KNG1: variants seen among roughly 807,000 people sequenced by gnomAD.
KNG1 encodes the protein kininogen-1.
In KNG1, 23 loss-of-function variants were observed where a neutral mutation model predicts 47.8. The observed-to-expected ratio is 0.48, with a 90% CI of 0.35 to 0.68. The LOEUF is 0.68. Ranked by LOEUF, KNG1 falls within the 30% of genes least tolerant of loss-of-function variation. The probability of loss-of-function intolerance (pLI) is 0.01; values close to 1 mark genes in which losing one functional copy is unlikely to be tolerated. For synonymous variants in KNG1, 277 were observed against 277.0 expected, an observed-to-expected ratio of 1.00 and a Z score of 0.00; for missense variants, 762 against 790.2, an observed-to-expected ratio of 0.96 and a Z score of 0.43.
chr3:186,717,709 T>C lies in KNG1; in HGVS notation c.167T>C (p.Leu56Ser). 6.2e-7 allele frequency: 1 copy of C among 1,613,078 alleles called. No homozygotes were observed. Among genetic ancestry groups the C allele is most frequent in the Non-Finnish European group, 8.5e-7 (1 of 1,179,832 alleles). Residue 56 changes from leucine to serine, a missense_variant, in exon 1 of 10, where the codon TTG becomes TCG. By Grantham distance (145) the Leu-to-Ser change is moderately radical. Coordinates refer to ENST00000644859, the MANE Select transcript of KNG1 (RefSeq NM_001102416.3). ...SQNQSNNQFV[L>S]YRITEATKTV... ...AACCAAAGTAACAACCAGTTTGTAT[T>C]GTACCGCATAACTGAAGCCACTAAG...
Position 186,743,210 on chromosome 3 carries a change from G to A in KNG1, c.*879G>A, listed in dbSNP as rs1434695481. 4 of 166,470 alleles carry A rather than the reference G, an allele frequency of 2.4e-5. No homozygotes were observed. Among genetic ancestry groups the A allele is most frequent in the Non-Finnish European group, 3.9e-5 (3 of 76,494 alleles). The allele number at this position is 166,470 out of a possible 1,614,324, so 10.3% of individuals were successfully genotyped here. Reference sequence around the variant, plus strand: ...CCGAGCTTAATGATAAGGATGAAAAGCAGAGGGAGCAATATAGAAGCAGGC... The same window carrying A: ...CCGAGCTTAATGATAAGGATGAAAAACAGAGGGAGCAATATAGAAGCAGGC... On this transcript the variant is annotated 3_prime_UTR_variant, in exon 10 of 10. Coordinates refer to ENST00000644859, the MANE Select transcript of KNG1 (RefSeq NM_001102416.3).
chr3:186,720,282 T>C (rs555742399), intron 2 of KNG1, 67 bp downstream of exon 2: 19 of 976,264 alleles, frequency 1.9e-5, no homozygotes, highest in African/African-American at 1.6e-4. Flanking sequence ...TTTTTACTGA[T>C]GCAGAAATGA....
chr3:186,717,799 G>T, intron 1 of KNG1, 62 bp downstream of exon 1: 1 of 1,135,000 alleles, frequency 8.8e-7, no homozygotes. Flanking sequence ...AGGAGTCCAG[G>T]CCTCACACAC....
intron 2 of KNG1, 164 bp downstream of exon 2, chr3:186,720,379 A>G: frequency 1.6e-6 from 1 of 637,658 alleles, no homozygotes; most frequent in African/African-American, 1.8e-5. Context: ...GTGTTCTTGT[A>G]TAGACAGAAA....
chr3:186,741,757 G>A lies in KNG1; in HGVS notation c.1361G>A (p.Gly454Glu). 6.2e-7 allele frequency: 1 copy of A among 1,614,186 alleles called. No homozygotes were observed. Among genetic ancestry groups the A allele is most frequent in the Non-Finnish European group, 8.5e-7 (1 of 1,180,040 alleles). ...AAACATGAACGTGACCAAGGGCATG[G>A]GCACCAAAGAGGACATGGCCTTGGC... ...GHKHERDQGH[G>E]HQRGHGLGHG... Residue 454 changes from glycine to glutamate, a missense_variant, in exon 10 of 10, where the codon GGG becomes GAG. Transcript: ENST00000644859.
In KNG1 at chr3:186,743,841, C is replaced by T. The variant is rs1473955142; in HGVS notation, c.*1510C>T. The T allele has an allele frequency of 8.3e-7, 1 of 1,201,394 alleles. No individual in the cohort carries two copies. Among genetic ancestry groups the T allele is most frequent in the East Asian group, 2.3e-5 (1 of 43,030 alleles). The allele number at this position is 1,201,394 out of a possible 1,614,324, so 74.4% of individuals were successfully genotyped here. ...TAGCCCCAACCACCTCTGCCAGCAACCTTGAGAGGAAGGACAAGAAGAAAG... is the reference window on the plus strand; with the variant it reads ...TAGCCCCAACCACCTCTGCCAGCAATCTTGAGAGGAAGGACAAGAAGAAAG... On this transcript the variant is annotated 3_prime_UTR_variant, in exon 10 of 10. Transcript: ENST00000644859.
intron 5 of KNG1, among the ~76,000 whole-genome samples, chr3:186,730,002 T>C (rs1200078933): frequency 1.3e-5 from 2 of 152,206 alleles, no homozygotes; most frequent in Non-Finnish European, 2.9e-5. Flanking sequence ...TCTGGAGACC[T>C]AGGCATAGGT....
intron 4 of KNG1, 121 bp downstream of exon 4, chr3:186,725,381 C>G (rs972494444): frequency 5.2e-6 from 5 of 961,784 alleles, no homozygotes; most frequent in Non-Finnish European, 6.6e-6. Context: ...AAGCGAAGAG[C>G]TTTCTCCTTA....
rs1286289233 is a variant in KNG1 at position 186,717,466 on chromosome 3, G to A, written c.-77G>A. ...CAGAAGAAACAAGAGGCTGGAGATTGTCAAATTCAGTATCCCAGTTGGCTC... is the reference window on the plus strand; with the variant it reads ...CAGAAGAAACAAGAGGCTGGAGATTATCAAATTCAGTATCCCAGTTGGCTC... On this transcript the variant is annotated 5_prime_UTR_variant, in exon 1 of 10. Transcript: ENST00000644859. 9.1e-7 allele frequency: 1 copy of A among 1,094,278 alleles called. No homozygotes were observed. The highest frequency in any genetic ancestry group is 1.4e-6 in the Non-Finnish European group (1 of 709,786). The allele number at this position is 1,094,278 out of a possible 1,614,324, so 67.8% of individuals were successfully genotyped here. A position where few individuals can be genotyped will look rare whatever the true frequency, so the allele number is the denominator to read the frequency against.
At chr3:186,719,893 T>C (rs764152932) in intron 1 of KNG1, among the ~76,000 whole-genome samples, 3 of 152,240 alleles carry the variant, frequency 2.0e-5, no homozygotes, top group Non-Finnish European at 4.4e-5. Flanking sequence ...GCTAATACTA[T>C]GCATACTGCT....
chr3:186,741,185 G>T (rs1473463946), intron 9 of KNG1, among the ~76,000 whole-genome samples: 1 of 151,946 alleles, frequency 6.6e-6, no homozygotes, highest in Non-Finnish European at 1.5e-5. Context: ...GTAGAGATGG[G>T]GTTTCAGCAT....
At position 186,720,805 on chromosome 3, in the gene KNG1, T is replaced by TTTTTTG. The variant is rs1553790786; in HGVS notation, c.306+592_306+593insTTTGTT. Among the ~76,000 whole-genome samples, 46 of 140,074 alleles carry TTTTTTG rather than the reference T, an allele frequency of 3.3e-4. 1 individual carries two copies. The highest frequency in any genetic ancestry group is 3.7e-3 in the Middle Eastern group (1 of 272). The allele number at this position is 140,074 out of a possible 152,430, so 91.9% of individuals were successfully genotyped here. Reference sequence around the variant, plus strand: ...TTTGCTTTTTTTTTTTTTTTTTTTTTTTGAGCCAGAGTCTCGCTCTGTCGC... The same window carrying TTTTTTG: ...TTTGCTTTTTTTTTTTTTTTTTTTTTTTTTTGTTGAGCCAGAGTCTCGCTCTGTCGC... On this transcript the variant is annotated intron_variant, in intron 2 of 9. Coordinates refer to ENST00000644859, the MANE Select transcript of KNG1 (RefSeq NM_001102416.3).
At chr3:186,733,018 C>T (rs1390843042) in intron 7 of KNG1, among the ~76,000 whole-genome samples, 1 of 152,086 alleles carries the variant, frequency 6.6e-6, no homozygotes, top group Non-Finnish European at 1.5e-5. Flanking sequence ...GAGGCCAAGG[C>T]GGGTGGATCA....
chr3:186,729,994 T>A (rs553148101), intron 5 of KNG1, among the ~76,000 whole-genome samples: 6 of 152,322 alleles, frequency 3.9e-5, no homozygotes, highest in African/African-American at 1.4e-4. Flanking sequence ...CCCTCACTTC[T>A]GGAGACCTAG....
chr3:186,725,094 G>A lies in KNG1; in HGVS notation c.398G>A (p.Gly133Asp). The change falls in exon 4 of 10, where the codon GGC becomes GAC. Residue 133 changes from glycine to aspartate, a missense_variant. Transcript: ENST00000644859. ...TTGTCTGCTCTTTGTTAAGCCGAGG[G>A]CCCTGTGGTGACAGCCCAGTACGAC... Reference protein sequence around the residue: ...TQTCQITPAEGPVVTAQYDCL... With the variant: ...TQTCQITPAEDPVVTAQYDCL... 3 of 1,613,984 alleles carry A rather than the reference G, an allele frequency of 1.9e-6. No individual in the cohort carries two copies. In the South Asian group the frequency reaches 3.3e-5, roughly 18 times the overall value.
At chr3:186,720,435 G>A (rs1579112453) in intron 2 of KNG1, 1 of 563,164 alleles carries the variant, frequency 1.8e-6, no homozygotes, top group East Asian at 3.1e-5. Flanking sequence ...GCCTTTCCAT[G>A]AGAAGGGGGC....
chr3:186,731,759 G>A, intron 6 of KNG1, 130 bp downstream of exon 6: 2 of 703,086 alleles, frequency 2.8e-6, no homozygotes, highest in South Asian at 3.0e-5. Context: ...TGCAGACACA[G>A]ATGCACCCCT....
intron 9 of KNG1, among the ~76,000 whole-genome samples, chr3:186,740,964 T>A (rs1211241817): frequency 6.8e-6 from 1 of 146,876 alleles, no homozygotes; most frequent in East Asian, 2.0e-4. Flanking sequence ...GTTGTTTGGC[T>A]GGGTTTTTTT....
At chr3:186,719,126 C>T (rs1021915413) in intron 1 of KNG1, among the ~76,000 whole-genome samples, 5 of 152,054 alleles carry the variant, frequency 3.3e-5, no homozygotes, top group African/African-American at 1.2e-4. Flanking sequence ...GTGAGAAATT[C>T]TGCTTCATGG....
Sources: allele counts gnomAD v4.1 joint callset (sites outside exome capture counted in the v4.1 genomes callset), GRCh38; gene constraint gnomAD v4.1.1; transcripts MANE v1.5; gene names NCBI Gene and HGNC (gene_info 2026-07-23, HGNC 2026-07-21).